AS3MT: variants seen among roughly 807,000 people sequenced by gnomAD.
The protein encoded by AS3MT is arsenite methyltransferase.
In AS3MT, 47 loss-of-function variants were observed where a neutral mutation model predicts 45.3. The observed-to-expected ratio is 1.04, with a 90% confidence interval of 0.82 to 1.32. AS3MT has a LOEUF of 1.32. Ranked by LOEUF, AS3MT falls within the 40% of genes most tolerant of loss-of-function variation. The pLI is 0.00. For missense variants in AS3MT, 396 were observed against 451.1 expected, an observed-to-expected ratio of 0.88 and a Z score of 1.11; for synonymous variants, 141 against 152.8, an observed-to-expected ratio of 0.92 and a Z score of 0.57.
intron 6 of AS3MT, among the ~76,000 whole-genome samples, chr10:102,875,428 G>T (rs1246656861): frequency 2.2e-5 from 3 of 139,140 alleles, no homozygotes; most frequent in Non-Finnish European, 4.5e-5. Flanking sequence ...AGTGAGCCAG[G>T]ATCGTGCCAC....
chr10:102,898,939 A>G (rs767993461), intron 10 of AS3MT, among the ~76,000 whole-genome samples: 2 of 152,170 alleles, frequency 1.3e-5, no homozygotes, highest in Admixed American at 6.5e-5. Flanking sequence ...TGTACTTCTC[A>G]TAGAATCACA....
chr10:102,896,106 C>A (rs1845165845), intron 10 of AS3MT, among the ~76,000 whole-genome samples: 1 of 151,602 alleles, frequency 6.6e-6, no homozygotes, highest in South Asian at 2.1e-4. Flanking sequence ...CTGAGGCTGG[C>A]AGACCACTTG....
rs1454122800 is a variant in AS3MT, at chr10:102,881,764, C to G, written c.885+2773C>G. Among the ~76,000 whole-genome samples the G allele has an allele frequency of 5.9e-5, 9 of 152,130 alleles. No homozygotes were observed. The highest frequency in any genetic ancestry group is 5.9e-4 in the Admixed American group (9 of 15,252). On this transcript the variant is annotated intron_variant, in intron 9 of 10. Transcript: ENST00000369880. The surrounding 1 kb of genome is among the most constrained non-coding windows in gnomAD (Gnocchi z 4.2). Reference sequence around the variant, plus strand: ...TATTTATCTATTTTAGAGACAAAGTCTCTCTCTGTCACCCATGCTGGAGTG... The same window carrying G: ...TATTTATCTATTTTAGAGACAAAGTGTCTCTCTGTCACCCATGCTGGAGTG...
intron 9 of AS3MT, among the ~76,000 whole-genome samples, chr10:102,888,851 CTA>C (rs553598133): frequency 0.027 from 2,428 of 91,328 alleles, 66 homozygotes; most frequent in African/African-American, 0.047. Flanking sequence ...TCATCAAACC[CTA>C]TATATATATA....
intron 3 of AS3MT, among the ~76,000 whole-genome samples, chr10:102,871,264 A>G (rs1856225495): frequency 6.6e-6 from 1 of 151,204 alleles, no homozygotes; most frequent in Non-Finnish European, 1.5e-5. Context: ...AACAAAAAAA[A>G]GGCCGGGGGT....
intron 3 of AS3MT, among the ~76,000 whole-genome samples, chr10:102,871,101 G>T (rs1434097101): frequency 6.6e-6 from 1 of 152,038 alleles, no homozygotes; most frequent in African/African-American, 2.4e-5. Flanking sequence ...AAAATTAGCT[G>T]GGTGTAGTGG....
intron 9 of AS3MT, among the ~76,000 whole-genome samples, chr10:102,889,236 A>G (rs1845019683): frequency 6.6e-6 from 1 of 151,694 alleles, no homozygotes; most frequent in South Asian, 2.1e-4. Context: ...TATCTCCCCC[A>G]TTCTGTACCC....
At chr10:102,887,620 G>GT (rs1218539052) in intron 9 of AS3MT, among the ~76,000 whole-genome samples, 1 of 152,126 alleles carries the variant, frequency 6.6e-6, no homozygotes, top group African/African-American at 2.4e-5. Flanking sequence ...TCTGATGTAA[G>GT]TATAGCTACT....
intron 8 of AS3MT, 53 bp downstream of exon 8, chr10:102,878,563 A>G (rs1420919129): frequency 1.9e-5 from 30 of 1,593,522 alleles, no homozygotes; most frequent in Non-Finnish European, 2.5e-5. Context: ...GAATGATTGA[A>G]ATGTGGTGAT....
At chr10:102,891,713 T>C (rs1316786858) in intron 10 of AS3MT, among the ~76,000 whole-genome samples, 1 of 152,088 alleles carries the variant, frequency 6.6e-6, no homozygotes, top group Non-Finnish European at 1.5e-5. Context: ...TTTGGGAGGC[T>C]GAGACAGGCA....
At chr10:102,894,197 G>A (rs916013677) in intron 10 of AS3MT, among the ~76,000 whole-genome samples, 24 of 151,884 alleles carry the variant, frequency 1.6e-4, no homozygotes, top group Admixed American at 2.6e-4. Context: ...AGGCCGAGGC[G>A]GGTGGATCAC....
At chr10:102,885,509 T>A (rs1262129551) in intron 9 of AS3MT, among the ~76,000 whole-genome samples, 21 of 11,122 alleles carry the variant, frequency 1.9e-3, no homozygotes, top group East Asian at 5.3e-3. Context: ...TTTTTTTTTT[T>A]TTTTTTTTTT....
intron 7 of AS3MT, among the ~76,000 whole-genome samples, chr10:102,877,613 C>T (rs1049628574): frequency 6.6e-6 from 1 of 150,900 alleles, no homozygotes; most frequent in African/African-American, 2.4e-5. Context: ...TGGCACACAC[C>T]TGTAACCCCA....
At chr10:102,895,402 T>C (rs1188550315) in intron 10 of AS3MT, among the ~76,000 whole-genome samples, 3 of 152,046 alleles carry the variant, frequency 2.0e-5, no homozygotes, top group Non-Finnish European at 2.9e-5. Context: ...GGTCTCATCA[T>C]GTTGGCCAGC....
At chr10:102,883,886 T>C (rs1844905512) in intron 9 of AS3MT, among the ~76,000 whole-genome samples, 1 of 152,120 alleles carries the variant, frequency 6.6e-6, no homozygotes, top group Non-Finnish European at 1.5e-5. Flanking sequence ...ATAATTAAAA[T>C]GCATTACCTC....
intron 10 of AS3MT, among the ~76,000 whole-genome samples, chr10:102,893,116 AAC>A (rs1275540315): frequency 7.9e-5 from 12 of 151,050 alleles, no homozygotes; most frequent in African/African-American, 2.9e-4. Context: ...AAAAGGTTTT[AAC>A]AGTGCTTATG....
chr10:102,887,759 G>T, intron 9 of AS3MT: 1 of 152,500 alleles, frequency 6.6e-6, no homozygotes. Context: ...TATCCATTCA[G>T]CCACTCTATT....
intron 10 of AS3MT, among the ~76,000 whole-genome samples, chr10:102,892,554 T>C (rs974705125): frequency 1.3e-5 from 2 of 152,096 alleles, no homozygotes; most frequent in African/African-American, 4.8e-5. Context: ...TCATAAAGAA[T>C]TTCCTGCTTC....
chr10:102,887,416 G>A (rs1844975833), intron 9 of AS3MT, among the ~76,000 whole-genome samples: 1 of 152,028 alleles, frequency 6.6e-6, no homozygotes, highest in African/African-American at 2.4e-5. Flanking sequence ...AGTGAGGTGT[G>A]GTGTTAGAGT....
Sources: gnomAD v4.1 joint callset for allele counts (sites outside exome capture counted in the v4.1 genomes callset) on GRCh38, gnomAD v4.1.1 for gene constraint, Gnocchi (gnomAD v3.1) non-coding constraint, MANE v1.5 for transcripts, NCBI Gene and HGNC (gene_info 2026-07-23, HGNC 2026-07-21) for gene names.